TNRC18: variants seen among roughly 807,000 people sequenced by gnomAD.
TNRC18 encodes trinucleotide repeat-containing gene 18 protein.
A neutral mutation model predicts 226.7 loss-of-function variants in TNRC18; 69 were observed. The observed-to-expected ratio is 0.30, with a 90% CI of 0.25 to 0.37. TNRC18 has a LOEUF of 0.37. Ranked by LOEUF, TNRC18 falls within the 10% of genes least tolerant of loss-of-function variation. The pLI, the probability that TNRC18 is intolerant of heterozygous loss-of-function variation, is 1.00. For synonymous variants in TNRC18, 2,449 were observed against 1,927.6 expected, an observed-to-expected ratio of 1.27 and a Z score of -7.09; for missense variants, 4,754 against 4,256.6, an observed-to-expected ratio of 1.12 and a Z score of -3.25.
At chr7:5,371,850 C>T (rs1358463843) in intron 10 of TNRC18, among the ~76,000 whole-genome samples, 4 of 152,102 alleles carry the variant, frequency 2.6e-5, no homozygotes, top group African/African-American at 4.8e-5. Context: ...GGGGGATGAT[C>T]GCTTAAATTC....
chr7:5,377,966 C>G lies in TNRC18; in HGVS notation c.2211G>C (p.Arg737=). 8.1e-6 allele frequency: 13 copies of G among 1,613,578 alleles called. No homozygotes were observed. Among genetic ancestry groups the G allele is most frequent in the Non-Finnish European group, 1.1e-5 (13 of 1,179,838 alleles). ...VDDRARHREE[R]LLGARLDRDQ... ...CCCGGTCCAGCCGTGCCCCGAGCAGCCGTTCCTCCCGGTGTCTGGCCCGGT... is the reference window on the plus strand; with the variant it reads ...CCCGGTCCAGCCGTGCCCCGAGCAGGCGTTCCTCCCGGTGTCTGGCCCGGT... The change falls in exon 6 of 30, where the codon CGG becomes CGC. Residue 737 remains arginine, a synonymous_variant. Coordinates refer to ENST00000430969, the MANE Select transcript of TNRC18 (RefSeq NM_001080495.3). The surrounding 1 kb of genome is among the most constrained non-coding windows in gnomAD (Gnocchi z 5.8).
Position 5,374,050 on chromosome 7 carries a change from C to A in TNRC18, c.3229+5G>T. On this transcript the variant is annotated splice_donor_5th_base_variant and intron_variant, in intron 10 of 29. Coordinates refer to ENST00000430969, the MANE Select transcript of TNRC18 (RefSeq NM_001080495.3). ...GAGACCCTGAGGGTCTCAGCTGCAT[C>A]CTACCTGAGAACAGGGCCTGGAAGG... 1 of 1,549,978 alleles carries A rather than the reference C, an allele frequency of 6.5e-7. No homozygotes were observed. The highest frequency in any genetic ancestry group is 8.7e-7 in the Non-Finnish European group (1 of 1,154,082).
intron 25 of TNRC18, 111 bp downstream of exon 25, chr7:5,315,845 C>T: frequency 1.3e-6 from 1 of 753,878 alleles, no homozygotes; most frequent in South Asian, 2.2e-5. Flanking sequence ...CTGCTTCCAT[C>T]ACCTGTGGCT....
At chr7:5,334,063 T>G (rs990342483) in intron 18 of TNRC18, among the ~76,000 whole-genome samples, 2 of 152,126 alleles carry the variant, frequency 1.3e-5, no homozygotes, top group African/African-American at 4.8e-5. Context: ...GGATGCAATC[T>G]CTATGACAGT....
At chr7:5,374,917 A>G (rs1157355536) in intron 9 of TNRC18, among the ~76,000 whole-genome samples, 2 of 152,340 alleles carry the variant, frequency 1.3e-5, no homozygotes, top group South Asian at 2.1e-4. Context: ...AAAGGCCCCA[A>G]AGAGGGCAGG....
intron 2 of TNRC18, among the ~76,000 whole-genome samples, chr7:5,398,798 C>A (rs1458760016): frequency 6.6e-6 from 1 of 150,836 alleles, no homozygotes; most frequent in Non-Finnish European, 1.5e-5. Flanking sequence ...TTTTCTTTCT[C>A]TTTTTTGTAG....
At chr7:5,330,949 A>G (rs905399545) in intron 19 of TNRC18, among the ~76,000 whole-genome samples, 2 of 152,196 alleles carry the variant, frequency 1.3e-5, no homozygotes, top group Non-Finnish European at 2.9e-5. Context: ...TGCTGGGATT[A>G]CAGGTGTGTG....
At chr7:5,418,297 C>T (rs1782316907) in intron 2 of TNRC18, among the ~76,000 whole-genome samples, 1 of 152,190 alleles carries the variant, frequency 6.6e-6, no homozygotes, top group Admixed American at 6.5e-5. Context: ...AACTTAAAAA[C>T]CACCCTTCCC....
In TNRC18 at chr7:5,313,181, G is replaced by A. The variant is rs1787450523; in HGVS notation, c.7710C>T (p.Ser2570=). The A allele has an allele frequency of 6.5e-7, 1 of 1,543,460 alleles. No individual in the cohort carries two copies. Among genetic ancestry groups the A allele is most frequent in the Non-Finnish European group, 8.7e-7 (1 of 1,144,410 alleles). ...SSSSSSGSSS[S]SSSSSSSGSE... is the part of the protein sequence containing the mutation. ...AGCCGCTGCTGCTGCTGCTGCTGCT[G>A]CTGCTACTGCTGCCACTACTGCTGC... The change falls in exon 27 of 30, where the codon AGC becomes AGT. Residue 2570 remains serine (S), a synonymous_variant. Transcript: ENST00000430969.
intron 19 of TNRC18, chr7:5,329,862 C>T (rs2128124674): frequency 2.1e-6 from 1 of 468,760 alleles, no homozygotes; most frequent in South Asian, 1.6e-5. Context: ...GTTGGAGGCC[C>T]AGGGTTTCCA....
chr7:5,328,643 G>C (rs1281864837), intron 19 of TNRC18, among the ~76,000 whole-genome samples: 1 of 151,958 alleles, frequency 6.6e-6, no homozygotes, highest in African/African-American at 2.4e-5. Context: ...CGAGTAGCTA[G>C]GACTACAGGT....
At chr7:5,358,145 C>T (rs1792650856) in intron 15 of TNRC18, among the ~76,000 whole-genome samples, 1 of 152,184 alleles carries the variant, frequency 6.6e-6, no homozygotes, top group Admixed American at 6.5e-5. Flanking sequence ...CAAACCAGTT[C>T]ATCCAACTAA....
At chr7:5,345,516 C>CAGGGGGGG in intron 18 of TNRC18, 46 bp downstream of exon 18, 2 of 354,368 alleles carry the variant, frequency 5.6e-6, no homozygotes, top group East Asian at 9.7e-5. Context: ...CAATGGCGTC[C>CAGGGGGGG]GCCCCTCCCA....
chr7:5,318,233 G>A (rs1479262326), intron 24 of TNRC18, among the ~76,000 whole-genome samples: 1 of 152,070 alleles, frequency 6.6e-6, no homozygotes, highest in Non-Finnish European at 1.5e-5. Flanking sequence ...TGCCCAGGCT[G>A]GTTTTGAACT....
At chr7:5,329,553 G>A (rs1789287884) in intron 19 of TNRC18, among the ~76,000 whole-genome samples, 1 of 151,348 alleles carries the variant, frequency 6.6e-6, no homozygotes, top group Non-Finnish European at 1.5e-5. Flanking sequence ...CATGGTGGTG[G>A]GCACCTGTAA....
At position 5,412,755 on chromosome 7, in the gene TNRC18, G is replaced by A. The variant is rs1001175606; in HGVS notation, c.187+8305C>T. The stretch of plus-strand genomic sequence containing the variant: ...CACACCTCAGCTTGGAGGCCATCCT[G>A]CCTCTAGATGGAGCAGTGTTCTATC... On this transcript the variant is annotated intron_variant, in intron 2 of 29. Coordinates refer to ENST00000430969, the MANE Select transcript of TNRC18 (RefSeq NM_001080495.3). 3.9e-5 allele frequency among the ~76,000 whole-genome samples: 6 copies of A among 152,274 alleles called. No homozygotes were observed. In the East Asian group the frequency reaches 1.2e-3, roughly 29 times the overall value.
chr7:5,340,255 CT>C (rs748632834), intron 18 of TNRC18, among the ~76,000 whole-genome samples: 6 of 152,170 alleles, frequency 3.9e-5, no homozygotes, highest in Non-Finnish European at 7.3e-5. Context: ...AGGTTCATTG[CT>C]GACATAGAGA....
At chr7:5,344,996 G>T (rs530871326) in intron 18 of TNRC18, among the ~76,000 whole-genome samples, 1 of 152,306 alleles carries the variant, frequency 6.6e-6, no homozygotes, top group Admixed American at 6.5e-5. Context: ...AAGTCAAAGA[G>T]AGCTTGGTGC....
At position 5,403,184 on chromosome 7, in the gene TNRC18, CAG is replaced by C. The variant is rs200941019; in HGVS notation, c.188-8591_188-8590del. ...TCTTCACTTTTTTTTTTTTTTGAGA[CAG>C]AGTTTCACTTGTTGCCCAGGCTGGA... On this transcript the variant is annotated intron_variant, in intron 2 of 29. Coordinates refer to ENST00000430969, the MANE Select transcript of TNRC18 (RefSeq NM_001080495.3). 3.2e-3 allele frequency among the ~76,000 whole-genome samples: 468 copies of C among 147,406 alleles called. 7 individuals are homozygous for C. The highest frequency in any genetic ancestry group is 0.011 in the African/African-American group (431 of 39,292).
Sources: allele counts gnomAD v4.1 joint callset (sites outside exome capture counted in the v4.1 genomes callset), GRCh38; gene constraint gnomAD v4.1.1; non-coding constraint Gnocchi (gnomAD v3.1); transcripts MANE v1.5; gene names NCBI Gene and HGNC (gene_info 2026-07-23, HGNC 2026-07-21).